ARSG: variants seen among roughly 807,000 people sequenced by gnomAD.
ARSG encodes the protein ASG.
Under a neutral mutation model 50.5 loss-of-function variants are expected in ARSG, and 37 were observed. The ratio of observed to expected loss-of-function variants is 0.73; its 90% confidence interval spans 0.56 to 0.96. The LOEUF (loss-of-function observed/expected upper bound fraction) is 0.96, where lower values mean the gene tolerates loss of function less well. Among genes scored for constraint, ARSG ranks in the 50% least tolerant of loss-of-function variants. The pLI is 0.00. For synonymous variants in ARSG, 225 were observed against 254.6 expected, an observed-to-expected ratio of 0.88 and a Z score of 1.11; for missense variants, 629 against 675.3, an observed-to-expected ratio of 0.93 and a Z score of 0.76.
At chr17:68,408,238 A>G in intron 11 of ARSG, among the ~76,000 whole-genome samples, 1 of 150,576 alleles carries the variant, frequency 6.6e-6, no homozygotes, top group African/African-American at 2.4e-5. Context: ...CTCGTCATCT[A>G]GCATTAGGCA....
intron 1 of ARSG, chr17:68,278,052 A>C (rs782259594): frequency 2.7e-6 from 4 of 1,467,870 alleles, no homozygotes; most frequent in Non-Finnish European, 3.8e-6. Flanking sequence ...AAAGGGCCCT[A>C]TACTTACGTC....
At chr17:68,303,948 A>G (rs1555762949) in intron 1 of ARSG, among the ~76,000 whole-genome samples, 1 of 152,202 alleles carries the variant, frequency 6.6e-6, no homozygotes, top group Non-Finnish European at 1.5e-5. Context: ...GCTTATTTCC[A>G]TTCTATGAAC....
chr17:68,282,502 A>C (rs2145121574), intron 1 of ARSG, among the ~76,000 whole-genome samples: 1 of 152,156 alleles, frequency 6.6e-6, no homozygotes, highest in Admixed American at 6.5e-5. Context: ...TAAAAAAAAA[A>C]AAAACTACAC....
chr17:68,362,649 A>T (rs900142625), intron 6 of ARSG, among the ~76,000 whole-genome samples: 2 of 152,104 alleles, frequency 1.3e-5, no homozygotes, highest in African/African-American at 2.4e-5. Context: ...AAGAGTTTGG[A>T]CTATTTGCAT....
At chr17:68,290,594 G>A (rs2075952431), upstream of ARSG, among the ~76,000 whole-genome samples, 1 of 152,256 alleles carries the variant, frequency 6.6e-6, no homozygotes, top group East Asian at 1.9e-4. Context: ...TGGGGGTCGG[G>A]GGAGGCAGGG....
intron 2 of ARSG, among the ~76,000 whole-genome samples, chr17:68,311,112 C>T (rs933652228): frequency 6.6e-6 from 1 of 152,192 alleles, no homozygotes; most frequent in South Asian, 2.1e-4. Flanking sequence ...TCTGAGATTG[C>T]ACTGCTGCAC....
intron 1 of ARSG, among the ~76,000 whole-genome samples, chr17:68,298,013 A>C (rs2076271583): frequency 6.6e-6 from 1 of 150,548 alleles, no homozygotes; most frequent in African/African-American, 2.5e-5. Flanking sequence ...TCCAGGCCAA[A>C]ACTCCATTTT....
At chr17:68,347,684 C>T (rs1010526665) in intron 4 of ARSG, among the ~76,000 whole-genome samples, 3 of 152,162 alleles carry the variant, frequency 2.0e-5, no homozygotes, top group Non-Finnish European at 4.4e-5. Flanking sequence ...TGCTGAAGGG[C>T]GGATTCTCCA....
chr17:68,336,950 TCC>T (rs2078050679), intron 2 of ARSG, among the ~76,000 whole-genome samples: 1 of 152,148 alleles, frequency 6.6e-6, no homozygotes, highest in East Asian at 1.9e-4. Flanking sequence ...AAGATCAGGC[TCC>T]TGTAATAACC....
At position 68,420,266 on chromosome 17, in the gene ARSG, G is replaced by C; in HGVS notation, c.1381G>C (p.Asp461His). 1 of 1,614,152 alleles carries C rather than the reference G, an allele frequency of 6.2e-7. No individual in the cohort carries two copies. Among genetic ancestry groups the C allele is most frequent in the Non-Finnish European group, 8.5e-7 (1 of 1,180,034 alleles). Residue 461 changes from aspartate to histidine, a missense_variant, in exon 12 of 12, where the codon GAT becomes CAT. Transcript: ENST00000621439. ...KFPLIFNLED[D>H]TAEAVPLERG... ...TCCTCTGATTTTCAACCTGGAAGAC[G>C]ATACCGCAGAAGCTGTGCCCCTAGA... is the stretch of plus-strand genomic sequence containing the variant.
chr17:68,437,950 A>AAAAAAAAAAAAAAT, the ARSG span, among the ~76,000 whole-genome samples: 1 of 35,500 alleles, frequency 2.8e-5, no homozygotes, highest in Non-Finnish European at 5.7e-5. Flanking sequence ...ATCTCTCTTA[A>AAAAAAAAAAAAAAT]AAAAAAAAAA....
At position 68,375,648 on chromosome 17, in the gene ARSG, G is replaced by A. The variant is rs1474922212; in HGVS notation, c.982+5124G>A. Among the ~76,000 whole-genome samples, 3 of 152,288 alleles carry A rather than the reference G, an allele frequency of 2.0e-5. No homozygotes were observed. In the East Asian group the frequency reaches 5.8e-4, roughly 29 times the overall value. ...ATATGTGGCTAGTGGCTACCATATTGGGTAGCAAATAGGCTTCCCTGGGGG... is the reference window on the plus strand; with the variant it reads ...ATATGTGGCTAGTGGCTACCATATTAGGTAGCAAATAGGCTTCCCTGGGGG... On this transcript the variant is annotated intron_variant, in intron 8 of 11. Coordinates refer to ENST00000621439, the MANE Select transcript of ARSG (RefSeq NM_001267727.2).
At chr17:68,352,352 A>T (rs1190054897) in intron 5 of ARSG, among the ~76,000 whole-genome samples, 1 of 152,010 alleles carries the variant, frequency 6.6e-6, no homozygotes. Flanking sequence ...GTGAAAAAAA[A>T]AAAAAAGCAG....
chr17:68,270,020 C>A (rs1413142101), intron 1 of ARSG, among the ~76,000 whole-genome samples: 1 of 152,168 alleles, frequency 6.6e-6, no homozygotes, highest in Non-Finnish European at 1.5e-5. Context: ...ATCACAAACA[C>A]TTTAAAGACC....
intron 11 of ARSG, among the ~76,000 whole-genome samples, chr17:68,415,674 G>A (rs1009725184): frequency 6.6e-6 from 1 of 152,068 alleles, no homozygotes; most frequent in African/African-American, 2.4e-5. Context: ...TACGTTATTA[G>A]TAATTATTTT....
chr17:68,371,324 A>G (rs2079833454), intron 8 of ARSG, among the ~76,000 whole-genome samples: 1 of 151,656 alleles, frequency 6.6e-6, no homozygotes, highest in African/African-American at 2.4e-5. Context: ...CTCAAAAAAA[A>G]AAAAAAAAAA....
chr17:68,434,613 C>T, the ARSG span: 6 of 1,613,956 alleles, frequency 3.7e-6, no homozygotes, highest in Non-Finnish European at 5.1e-6. Context: ...AGAGAACACC[C>T]GGATGACTGT....
At chr17:68,364,869 C>A (rs1040716632) in intron 6 of ARSG, among the ~76,000 whole-genome samples, 2 of 152,118 alleles carry the variant, frequency 1.3e-5, no homozygotes, top group South Asian at 2.1e-4. Context: ...AGGTGGCTTG[C>A]GGGACAGATG....
intron 2 of ARSG, among the ~76,000 whole-genome samples, chr17:68,315,307 C>G (rs981053975): frequency 6.6e-6 from 1 of 151,992 alleles, no homozygotes; most frequent in Non-Finnish European, 1.5e-5. Flanking sequence ...TTTGGGAGAT[C>G]GAGGCGGAAG....
Sources: allele counts gnomAD v4.1 joint callset (sites outside exome capture counted in the v4.1 genomes callset), GRCh38; gene constraint gnomAD v4.1.1; transcripts MANE v1.5; gene names NCBI Gene and HGNC (gene_info 2026-07-23, HGNC 2026-07-21).